SLC16A12: variants seen among roughly 807,000 people sequenced by gnomAD.
SLC16A12 encodes the protein monocarboxylate transporter 12.
A neutral mutation model predicts 42.4 loss-of-function variants in SLC16A12; 17 were observed. The observed-to-expected ratio is 0.40, with a 90% CI of 0.27 to 0.60. The LOEUF is 0.60. Among genes scored for constraint, SLC16A12 ranks in the 20% least tolerant of loss-of-function variants. The pLI, the probability that SLC16A12 is intolerant of heterozygous loss-of-function variation, is 0.42. For missense variants in SLC16A12, 544 were observed against 623.0 expected, an observed-to-expected ratio of 0.87 and a Z score of 1.35; for synonymous variants, 224 against 229.4, an observed-to-expected ratio of 0.98 and a Z score of 0.21.
intron 4 of SLC16A12, 145 bp downstream of exon 4, chr10:89,443,611 C>A: frequency 1.4e-6 from 1 of 690,954 alleles, no homozygotes; most frequent in Non-Finnish European, 2.6e-6. Flanking sequence ...TAGGATTGAT[C>A]TTTTCTTTAT....
chr10:89,545,526 G>A (rs774348230), intron 2 of SLC16A12, among the ~76,000 whole-genome samples: 62 of 152,170 alleles, frequency 4.1e-4, no homozygotes, highest in Non-Finnish European at 7.1e-4. Flanking sequence ...ACCTCTTCAA[G>A]GAGAACTACA....
At chr10:89,544,946 C>T (rs546302113) in intron 2 of SLC16A12, among the ~76,000 whole-genome samples, 1 of 152,314 alleles carries the variant, frequency 6.6e-6, no homozygotes, top group South Asian at 2.1e-4. Flanking sequence ...AGTCAGGCAT[C>T]ATCTTATGAT....
At chr10:89,501,688 T>C (rs548615782) in intron 2 of SLC16A12, among the ~76,000 whole-genome samples, 3 of 152,290 alleles carry the variant, frequency 2.0e-5, no homozygotes, top group African/African-American at 2.4e-5. Flanking sequence ...GAGATGAAGG[T>C]TGCAGTGAGC....
intron 2 of SLC16A12, among the ~76,000 whole-genome samples, chr10:89,487,258 A>G (rs949218913): frequency 6.6e-6 from 1 of 152,206 alleles, no homozygotes; most frequent in African/African-American, 2.4e-5. Flanking sequence ...GAGAACTCAA[A>G]TTTTTAATTC....
chr10:89,512,795 A>ATATATT (rs1483240304), intron 2 of SLC16A12, among the ~76,000 whole-genome samples: 3 of 152,220 alleles, frequency 2.0e-5, no homozygotes, highest in Non-Finnish European at 2.9e-5. Flanking sequence ...CAAAAGATCG[A>ATATATT]ACCCAAGAGG....
At chr10:89,447,178 G>C (rs112421106) in intron 3 of SLC16A12, among the ~76,000 whole-genome samples, 2 of 152,190 alleles carry the variant, frequency 1.3e-5, no homozygotes, top group South Asian at 2.1e-4. Flanking sequence ...ACGCCCCACT[G>C]TCAATATGAG....
intron 2 of SLC16A12, among the ~76,000 whole-genome samples, chr10:89,508,491 G>A (rs917564007): frequency 2.6e-5 from 4 of 152,132 alleles, no homozygotes; most frequent in African/African-American, 4.8e-5. Context: ...GGTAAATAAC[G>A]AAATGAAGGC....
Position 89,436,336 on chromosome 10 carries a change from C to T in SLC16A12, c.1029-17G>A. ...TTCAGACACCTGTAGATTTGAAGAACAAGAATAAGTGCAGGAGGTACACAT... is the reference window on the plus strand; with the variant it reads ...TTCAGACACCTGTAGATTTGAAGAATAAGAATAAGTGCAGGAGGTACACAT... On this transcript the variant is annotated splice_polypyrimidine_tract_variant and intron_variant, in intron 6 of 7. Transcript: ENST00000371790. 2 of 1,613,920 alleles carry T rather than the reference C, an allele frequency of 1.2e-6. No individual in the cohort carries two copies. The highest frequency in any genetic ancestry group is 1.3e-5 in the African/African-American group (1 of 75,024).
intron 2 of SLC16A12, among the ~76,000 whole-genome samples, chr10:89,465,145 C>T (rs1842372275): frequency 6.6e-6 from 1 of 152,162 alleles, no homozygotes; most frequent in Admixed American, 6.5e-5. Context: ...GCAAGCATCA[C>T]TACAGACAGC....
At chr10:89,488,187 A>G (rs1369490227) in intron 2 of SLC16A12, among the ~76,000 whole-genome samples, 3 of 152,092 alleles carry the variant, frequency 2.0e-5, no homozygotes, top group Non-Finnish European at 4.4e-5. Flanking sequence ...CCATTACTCA[A>G]TATATCCATA....
intron 2 of SLC16A12, among the ~76,000 whole-genome samples, chr10:89,488,604 C>T (rs1245628081): frequency 6.6e-6 from 1 of 152,226 alleles, no homozygotes; most frequent in Non-Finnish European, 1.5e-5. Context: ...ACTCCAATGC[C>T]TATGCCTAGG....
At position 89,441,180 on chromosome 10, in the gene SLC16A12, A is replaced by T. The variant is rs1272998626; in HGVS notation, c.376T>A (p.Ser126Thr). The T allele has an allele frequency of 6.2e-7, 1 of 1,614,004 alleles. No homozygotes were observed. Among genetic ancestry groups the T allele is most frequent in the East Asian group, 2.2e-5 (1 of 44,894 alleles). Residue 126 changes from serine (S) to threonine (T), a missense_variant, in exon 5 of 8, where the codon TCT becomes ACT. Coordinates refer to ENST00000371790, the MANE Select transcript of SLC16A12 (RefSeq NM_213606.4). ...AATGAGCTCAGGATGAGTCCAGTAGATGCAAGCAAGCCACCCAGCATGATT... is the reference window on the plus strand; with the variant it reads ...AATGAGCTCAGGATGAGTCCAGTAGTTGCAAGCAAGCCACCCAGCATGATT... ...VGIMLGGLLASTGLILSSFAT... is the reference protein window; with the variant it reads ...VGIMLGGLLATTGLILSSFAT...
chr10:89,456,474 A>G (rs920885282), intron 3 of SLC16A12, among the ~76,000 whole-genome samples: 3 of 152,174 alleles, frequency 2.0e-5, no homozygotes, highest in Non-Finnish European at 4.4e-5. Flanking sequence ...CAAGTGGCCA[A>G]TTTATGAACA....
intron 2 of SLC16A12, among the ~76,000 whole-genome samples, chr10:89,547,643 A>G (rs1843749101): frequency 6.6e-6 from 1 of 152,214 alleles, no homozygotes; most frequent in Admixed American, 6.5e-5. Context: ...TTTTGTTTCA[A>G]AAGAAAAGGG....
intron 2 of SLC16A12, among the ~76,000 whole-genome samples, chr10:89,548,979 G>A (rs184424754): frequency 2.6e-5 from 4 of 152,174 alleles, no homozygotes; most frequent in South Asian, 2.1e-4. Context: ...GGACCTGCTC[G>A]CAGCAGGATC....
intron 2 of SLC16A12, among the ~76,000 whole-genome samples, chr10:89,523,939 G>T (rs1170874098): frequency 6.6e-6 from 1 of 152,212 alleles, no homozygotes; most frequent in Non-Finnish European, 1.5e-5. Flanking sequence ...TATCGCGTGA[G>T]CACAGTCTAG....
At chr10:89,492,635 A>G (rs1283127144) in intron 2 of SLC16A12, among the ~76,000 whole-genome samples, 1 of 152,158 alleles carries the variant, frequency 6.6e-6, no homozygotes, top group Non-Finnish European at 1.5e-5. Flanking sequence ...TGGTGCCGAC[A>G]TGGCAAGTAA....
intron 2 of SLC16A12, among the ~76,000 whole-genome samples, chr10:89,471,358 T>C (rs1399210585): frequency 3.9e-5 from 6 of 152,228 alleles, no homozygotes; most frequent in Non-Finnish European, 8.8e-5. Context: ...TAGAATTCTG[T>C]CAAGAATTTC....
chr10:89,433,067 T>C lies in SLC16A12; in HGVS notation c.1548A>G (p.Thr516=), dbSNP rs1266110072. ...TTCTGGGGCTCAAGGCCTTTGGTCA[T>C]GTGAGGCTGTAGCCAGGCACTGCTG... The part of the protein sequence containing the change: ...VATAVPGYSL[T] The change falls in exon 8 of 8, where the codon ACA becomes ACG. Residue 516 remains threonine, a synonymous_variant. Transcript: ENST00000371790. The C allele has an allele frequency of 4.3e-6, 7 of 1,614,042 alleles. No individual in the cohort carries two copies. Among genetic ancestry groups the C allele is most frequent in the Non-Finnish European group, 5.9e-6 (7 of 1,180,006 alleles).
Sources: gnomAD v4.1 joint callset for allele counts (sites outside exome capture counted in the v4.1 genomes callset) on GRCh38, gnomAD v4.1.1 for gene constraint, MANE v1.5 for transcripts, NCBI Gene and HGNC (gene_info 2026-07-23, HGNC 2026-07-21) for gene names.